ZHX3: variants seen among roughly 807,000 people sequenced by gnomAD.
The protein encoded by ZHX3 is zinc fingers and homeoboxes 3.
Under a neutral mutation model 64.5 loss-of-function variants are expected in ZHX3, and 20 were observed. The ratio of observed to expected loss-of-function variants is 0.31; its 90% CI spans 0.22 to 0.45. The LOEUF (loss-of-function observed/expected upper bound fraction) is 0.45. Among genes scored for constraint, ZHX3 ranks in the 20% least tolerant of loss-of-function variants. The pLI is 1.00. For synonymous variants in ZHX3, 423 were observed against 461.6 expected (o/e 0.92, Z 1.07); for missense variants, 1,041 against 1,195.8 (o/e 0.87, Z 1.91).
rs367663459 is a variant in ZHX3, at chr20:41,219,174, A to C, written c.-150-14108T>G. ...TCGATCTCCTGACCTCGTGATCCAC[A>C]CGCCTCCGCCTCCCAAAGTGCTGGG... is the stretch of plus-strand genomic sequence containing the variant. On this transcript the variant is annotated intron_variant, in intron 2 of 3. Transcript: ENST00000683867. This position sits in a 1 kb window ranked among gnomAD's most constrained non-coding sequence, Gnocchi z 5.0. 5.0e-4 allele frequency among the ~76,000 whole-genome samples: 76 copies of C among 151,984 alleles called. 1 individual carries two copies. Among genetic ancestry groups the C allele is most frequent in the East Asian group, 4.8e-3 (25 of 5,164 alleles).
intron 1 of ZHX3, among the ~76,000 whole-genome samples, chr20:41,288,389 A>T (rs908641920): frequency 3.9e-5 from 6 of 152,232 alleles, no homozygotes; most frequent in African/African-American, 1.4e-4. Flanking sequence ...GCTGAATACT[A>T]CCATCCCTTT....
chr20:41,225,960 T>C (rs1294969220), intron 2 of ZHX3, among the ~76,000 whole-genome samples: 1 of 152,206 alleles, frequency 6.6e-6, no homozygotes, highest in Non-Finnish European at 1.5e-5. Context: ...TACTACTTTC[T>C]AAGAGTTTGA....
intron 2 of ZHX3, among the ~76,000 whole-genome samples, chr20:41,227,401 G>A (rs778855037): frequency 6.6e-6 from 1 of 152,160 alleles, no homozygotes; most frequent in Non-Finnish European, 1.5e-5. Flanking sequence ...CTGTGATGGT[G>A]CAAAATATAA....
intron 2 of ZHX3, among the ~76,000 whole-genome samples, chr20:41,241,541 G>T (rs894897431): frequency 6.6e-6 from 1 of 152,108 alleles, no homozygotes; most frequent in Non-Finnish European, 1.5e-5. Context: ...TTTTTGCTTT[G>T]GTTGCCTGTG....
intron 2 of ZHX3, among the ~76,000 whole-genome samples, chr20:41,254,944 C>T (rs924261439): frequency 1.3e-5 from 2 of 151,854 alleles, no homozygotes; most frequent in African/African-American, 4.8e-5. Context: ...AGGCGATACC[C>T]GAGGGAGACT....
At chr20:41,277,110 A>T (rs2043420202) in intron 1 of ZHX3, among the ~76,000 whole-genome samples, 1 of 152,212 alleles carries the variant, frequency 6.6e-6, no homozygotes, top group Non-Finnish European at 1.5e-5. Flanking sequence ...GAACTTTTCT[A>T]GAGTGGCAAA....
Position 41,232,903 on chromosome 20 carries a change from A to G in ZHX3, c.-150-27837T>C, listed in dbSNP as rs538362987. Among the ~76,000 whole-genome samples, 16 of 152,302 alleles carry G rather than the reference A, an allele frequency of 1.1e-4. No homozygotes were observed. Among genetic ancestry groups the G allele is most frequent in the African/African-American group, 2.6e-4 (11 of 41,574 alleles). ...CCCGGCTGGAAAATTCTTGATATGT[A>G]TCAGTATTTTTCAAAATGTAAGCTC... On this transcript the variant is annotated intron_variant, in intron 2 of 3. Transcript: ENST00000683867. The surrounding 1 kb of genome is among the most constrained non-coding windows in gnomAD (Gnocchi z 5.0).
chr20:41,298,975 G>T (rs1238533456), intron 1 of ZHX3, among the ~76,000 whole-genome samples: 1 of 152,164 alleles, frequency 6.6e-6, no homozygotes, highest in African/African-American at 2.4e-5. Context: ...CCCTACGTAA[G>T]ATGATGAGTT....
chr20:41,225,664 T>C (rs371866480), intron 2 of ZHX3, among the ~76,000 whole-genome samples: 2 of 152,150 alleles, frequency 1.3e-5, no homozygotes, highest in South Asian at 2.1e-4. Context: ...ATTTTTGTAC[T>C]TTTAGTAGAG....
chr20:41,316,530 C>T (rs954332093), intron 1 of ZHX3, among the ~76,000 whole-genome samples: 1 of 152,070 alleles, frequency 6.6e-6, no homozygotes, highest in African/African-American at 2.4e-5. Context: ...TACTGTAATC[C>T]TTTTTTAAAT....
chr20:41,203,442 A>G lies in ZHX3; in HGVS notation c.1475T>C (p.Leu492Pro), dbSNP rs544646402. ...ACPSITSQAF[L>P]DASIYKNKKS... ...CTTATTTTTGTAGATGCTAGCATCA[A>G]GGAAGGCTTGGGAGGTTATGCTGGG... is the stretch of plus-strand genomic sequence containing the variant. Residue 492 changes from leucine to proline, a missense_variant, in exon 3 of 4, where the codon CTT becomes CCT. Coordinates refer to ENST00000683867, the MANE Select transcript of ZHX3 (RefSeq NM_001384317.1). This position sits in a 1 kb window ranked among gnomAD's most constrained non-coding sequence, Gnocchi z 7.1. 3 of 1,614,180 alleles carry G rather than the reference A, an allele frequency of 1.9e-6. No individual in the cohort carries two copies. The highest frequency in any genetic ancestry group is 2.5e-6 in the Non-Finnish European group (3 of 1,180,022).
rs1051161160 is a variant in ZHX3, at chr20:41,228,770, C to T, written c.-150-23704G>A. Among the ~76,000 whole-genome samples, 1 of 152,186 alleles carries T rather than the reference C, an allele frequency of 6.6e-6. No individual in the cohort carries two copies. The highest frequency in any genetic ancestry group is 2.4e-5 in the African/African-American group (1 of 41,438). Reference sequence around the variant, plus strand: ...TCCACTGCACCATACATCCAGATTTCCAAGCATACTTATTTTTTTCCTAGT... The same window carrying T: ...TCCACTGCACCATACATCCAGATTTTCAAGCATACTTATTTTTTTCCTAGT... On this transcript the variant is annotated intron_variant, in intron 2 of 3. Transcript: ENST00000683867. The surrounding 1 kb of genome is among the most constrained non-coding windows in gnomAD (Gnocchi z 4.6).
chr20:41,299,471 T>C (rs1023190298), intron 1 of ZHX3, among the ~76,000 whole-genome samples: 1 of 152,060 alleles, frequency 6.6e-6, no homozygotes, highest in African/African-American at 2.4e-5. Context: ...GATTCAACAT[T>C]ATATTTTCTT....
rs1207633447 is a variant in ZHX3 at position 41,181,265 on chromosome 20, C to G, written c.*3926G>C. 6.6e-6 allele frequency: 1 copy of G among 152,112 alleles called. No individual in the cohort carries two copies. The highest frequency in any genetic ancestry group is 2.4e-5 in the African/African-American group (1 of 41,406). 9.4% of individuals were successfully genotyped at this position (152,112 alleles called of 1,614,324 possible). A position where few individuals can be genotyped will look rare whatever the true frequency, so the allele number is the denominator to read the frequency against. ...CATGTGTCTAGAGGATTTTTCTTCT[C>G]CAGCATATAACTACCTTGAGAATGG... On this transcript the variant is annotated 3_prime_UTR_variant, in exon 4 of 4. Transcript: ENST00000683867.
At chr20:41,261,786 C>T (rs1044111727) in intron 2 of ZHX3, among the ~76,000 whole-genome samples, 3 of 152,196 alleles carry the variant, frequency 2.0e-5, no homozygotes, top group Non-Finnish European at 2.9e-5. Context: ...TTGATATCCT[C>T]CTTGGTACAA....
At chr20:41,249,717 G>A (rs147401590) in intron 2 of ZHX3, among the ~76,000 whole-genome samples, 220 of 152,250 alleles carry the variant, frequency 1.4e-3, no homozygotes, top group Middle Eastern at 6.8e-3. Context: ...CAGACAAGAT[G>A]GTCTAAACCC....
At position 41,262,900 on chromosome 20, in the gene ZHX3, A is replaced by G. The variant is rs528273012; in HGVS notation, c.-151+6090T>C. On this transcript the variant is annotated intron_variant, in intron 2 of 3. Coordinates refer to ENST00000683867, the MANE Select transcript of ZHX3 (RefSeq NM_001384317.1). Reference sequence around the variant, plus strand: ...AAAAAGGGGCAAATTAAATTTCCTTATATGGAAGAAAAGGCAAGTTCTTGC... The same window carrying G: ...AAAAAGGGGCAAATTAAATTTCCTTGTATGGAAGAAAAGGCAAGTTCTTGC... Among the ~76,000 whole-genome samples the G allele has an allele frequency of 7.9e-4, 121 of 152,352 alleles. 1 individual carries two copies. The highest frequency in any genetic ancestry group is 2.9e-3 in the African/African-American group (119 of 41,596).
rs1474848599 is a variant in ZHX3 at position 41,195,090 on chromosome 20, T to C, written c.2860+6967A>G. 6.6e-6 allele frequency among the ~76,000 whole-genome samples: 1 copy of C among 152,202 alleles called. No individual in the cohort carries two copies. The highest frequency in any genetic ancestry group is 1.5e-5 in the Non-Finnish European group (1 of 68,044). ...TTTGCTCTTTTCTAGTTCTTTAAAG[T>C]GTACATTTAGTTTACTGATTTGAGA... is the stretch of plus-strand genomic sequence containing the variant. On this transcript the variant is annotated intron_variant, in intron 3 of 3. Transcript: ENST00000683867. The surrounding 1 kb of genome is among the most constrained non-coding windows in gnomAD (Gnocchi z 4.2).
chr20:41,252,331 G>A (rs1600511757), intron 2 of ZHX3, among the ~76,000 whole-genome samples: 1 of 152,294 alleles, frequency 6.6e-6, no homozygotes, highest in East Asian at 1.9e-4. Flanking sequence ...CAGGACTACT[G>A]GATGCCTGCC....
Sources: gnomAD v4.1 joint callset for allele counts (sites outside exome capture counted in the v4.1 genomes callset) on GRCh38, gnomAD v4.1.1 for gene constraint, Gnocchi (gnomAD v3.1) non-coding constraint, MANE v1.5 for transcripts, NCBI Gene and HGNC (gene_info 2026-07-23, HGNC 2026-07-21) for gene names.